Variants in METTL17 observed in about 807,000 individuals in gnomAD.
METTL17 encodes methyltransferase like 17, also known as ribosome assembly protein METTL17, mitochondrial.
In METTL17, 49 loss-of-function variants were observed where a neutral mutation model predicts 59.4. The observed-to-expected ratio is 0.82, with a 90% CI of 0.66 to 1.05. The LOEUF is 1.05. METTL17 is among the 50% of genes least tolerant of loss of function. The pLI is 0.00. For missense variants in METTL17, 555 were observed against 578.4 expected, an observed-to-expected ratio of 0.96 and a Z score of 0.41; for synonymous variants, 208 against 209.2, an observed-to-expected ratio of 0.99 and a Z score of 0.05.
At chr14:20,995,793 T>C in intron 10 of METTL17, 108 bp from the exon 11 acceptor site, 1 of 813,434 alleles carries the variant, frequency 1.2e-6, no homozygotes, top group Non-Finnish European at 2.1e-6. Context: ...AGTCAATCGT[T>C]ATTAGAATTG....
At chr14:20,994,643 T>C in intron 8 of METTL17, 30 bp downstream of exon 8, 2 of 1,597,720 alleles carry the variant, frequency 1.3e-6, no homozygotes, top group South Asian at 2.2e-5. Context: ...ATATTCTAAA[T>C]GTGGAATGTG....
Position 20,990,477 on chromosome 14 carries a change from C to A in METTL17, c.243C>A (p.Pro81=). The A allele has an allele frequency of 6.2e-7, 1 of 1,614,208 alleles. No homozygotes were observed. The highest frequency in any genetic ancestry group is 8.5e-7 in the Non-Finnish European group (1 of 1,180,040). ...AQLLLLGSAG[P]TMENQVQTLT... The stretch of plus-strand genomic sequence containing the variant: ...TTTGGCCCATAGGGAGCGCTGGGCC[C>A]ACTATGGAGAATCAGGTGCAAACAC... Residue 81 remains proline, a synonymous_variant, in exon 3 of 14, where the codon CCC becomes CCA. Coordinates refer to ENST00000339374, the MANE Select transcript of METTL17 (RefSeq NM_022734.3).
chr14:20,996,227 T>G lies in METTL17; in HGVS notation c.1015T>G (p.Cys339Gly), dbSNP rs1880364162. 6.2e-7 allele frequency: 1 copy of G among 1,614,086 alleles called. No homozygotes were observed. The highest frequency in any genetic ancestry group is 1.7e-5 in the Admixed American group (1 of 60,000). The change falls in exon 12 of 14, where the codon TGT (cysteine) becomes GGT (glycine). Residue 339 changes from cysteine to glycine, a missense_variant. Cys to Gly is a radical substitution (Grantham distance 159, BLOSUM62 -3). Transcript: ENST00000339374. ...VFAPCPHELP[C>G]PQLTNLACSF... ...TTCACAGTGTCCCCATGAACTCCCT[T>G]GTCCCCAGTTGACCAACCTGGCCTG...
chr14:20,995,137 T>G (rs752769503), intron 9 of METTL17, 28 bp from the exon 10 acceptor site: 1 of 1,603,838 alleles, frequency 6.2e-7, no homozygotes, highest in East Asian at 2.2e-5. Context: ...ATTCAAGTCT[T>G]CTGCATATTT....
At chr14:20,996,066 T>C in intron 11 of METTL17, 115 bp downstream of exon 11, 2 of 1,309,692 alleles carry the variant, frequency 1.5e-6, no homozygotes, top group South Asian at 2.4e-5. Flanking sequence ...ATCCAGTTCC[T>C]ACCTAATGAT....
intron 12 of METTL17, 82 bp from the exon 13 acceptor site, chr14:20,996,426 TACATTGTAAAAAAGGACTG>T: frequency 1.3e-6 from 2 of 1,495,844 alleles, no homozygotes; most frequent in Non-Finnish European, 1.8e-6. Context: ...ATATGATTTA[TACATTGTAAAAAAGGACTG>T]CAGGAATGGG....
intron 3 of METTL17, among the ~76,000 whole-genome samples, chr14:20,991,071 G>A (rs1159755320): frequency 1.3e-5 from 2 of 152,016 alleles, no homozygotes; most frequent in Admixed American, 1.3e-4. Flanking sequence ...CAGGTGATCC[G>A]CCCACCTTGG....
chr14:20,993,846 T>C, intron 6 of METTL17, 123 bp from the exon 7 acceptor site: 1 of 605,030 alleles, frequency 1.7e-6, no homozygotes, highest in Non-Finnish European at 3.0e-6. Flanking sequence ...TATTACTAAC[T>C]ATACAACTAC....
rs778494810 is a variant in METTL17, at chr14:20,995,176, G to A, written c.888G>A (p.Glu296=). 1 of 1,614,150 alleles carries A rather than the reference G, an allele frequency of 6.2e-7. No homozygotes were observed. The highest frequency in any genetic ancestry group is 8.5e-7 in the Non-Finnish European group (1 of 1,179,990). Residue 296 remains glutamate, a synonymous_variant, in exon 10 of 14, where the codon GAG becomes GAA. Coordinates refer to ENST00000339374, the MANE Select transcript of METTL17 (RefSeq NM_022734.3). ...CCTTTTGTGAACAGGTACTGGTGGA[G>A]AATGGAACAAAAGCTGGGCACAGCC... ...RKTGHFLVLV[E]NGTKAGHSLL... is the part of the protein sequence containing the mutation.
rs199931736 is a variant in METTL17 at position 20,990,010 on chromosome 14, C to T, written c.8C>T (p.Ala3Val). Reference protein sequence around the residue: MAAALKCLLTLGR... With the variant: MAVALKCLLTLGR... ...CGGTTCGCCTCCGGAGCCATGGCGG[C>T]GGCACTGAAGTGTCTACTGACATTA... is the stretch of plus-strand genomic sequence containing the variant. The change falls in exon 1 of 14, where the codon GCG becomes GTG. Residue 3 changes from alanine (A) to valine (V), a missense_variant. Ala to Val is a moderately conservative substitution (Grantham distance 64, BLOSUM62 0). Transcript: ENST00000339374. The T allele has an allele frequency of 1.0e-4, 161 of 1,590,062 alleles. No individual in the cohort carries two copies. The highest frequency in any genetic ancestry group is 4.3e-6 in the Non-Finnish European group (5 of 1,165,368).
At chr14:20,994,307 G>A (rs1481069528) in intron 7 of METTL17, among the ~76,000 whole-genome samples, 1 of 149,742 alleles carries the variant, frequency 6.7e-6, no homozygotes, top group East Asian at 1.9e-4. Flanking sequence ...TTTAATTAGA[G>A]GTAGGGTCTC....
Position 20,990,227 on chromosome 14 carries a change from C to T in METTL17, c.76-3C>T, listed in dbSNP as rs1223488669. On this transcript the variant is annotated splice_region_variant and splice_polypyrimidine_tract_variant and intron_variant, in intron 1 of 13. Coordinates refer to ENST00000339374, the MANE Select transcript of METTL17 (RefSeq NM_022734.3). ...AAATCAACCTACCTTTCTCTGCCTG[C>T]AGGCGCTCGCCGCCTTAGTACCCGG... 1 of 1,614,104 alleles carries T rather than the reference C, an allele frequency of 6.2e-7. No homozygotes were observed. The highest frequency in any genetic ancestry group is 8.5e-7 in the Non-Finnish European group (1 of 1,180,064).
chr14:20,992,500 G>A (rs771924316), intron 4 of METTL17, 41 bp from the exon 5 acceptor site: 1 of 1,462,772 alleles, frequency 6.8e-7, no homozygotes, highest in Non-Finnish European at 9.6e-7. Context: ...TGGGATTAAG[G>A]TTATTTACTA....
intron 6 of METTL17, chr14:20,993,567 T>C (rs1391023286): frequency 1.3e-5 from 3 of 233,814 alleles, no homozygotes; most frequent in Non-Finnish European, 1.7e-5. Flanking sequence ...CCTCCACTCC[T>C]GGGTTCAAGT....
In METTL17 at chr14:20,996,701, C is replaced by A; in HGVS notation, c.1255C>A (p.Arg419=). The part of the protein sequence containing the change: ...HMQHAVLTAR[R]HGRDLYRCAR... ...GCAGCATGCTGTGCTCACAGCCCGC[C>A]GGCACGGCAGGTATGGGGGGTGTGA... Residue 419 remains arginine, a synonymous_variant, in exon 13 of 14, where the codon CGG becomes AGG. Coordinates refer to ENST00000339374, the MANE Select transcript of METTL17 (RefSeq NM_022734.3). 1 of 1,614,218 alleles carries A rather than the reference C, an allele frequency of 6.2e-7. No individual in the cohort carries two copies. The highest frequency in any genetic ancestry group is 2.2e-5 in the East Asian group (1 of 44,876).
rs779630076 is a variant in METTL17, at chr14:20,992,167, C to T, written c.408C>T (p.His136=). ...AGAAACTTCGTGGAGCAGTGCTACACGCACTACGTAAAACTACCTACCATT... is the reference window on the plus strand; with the variant it reads ...AGAAACTTCGTGGAGCAGTGCTACATGCACTACGTAAAACTACCTACCATT... ...TEEKLRGAVL[H]ALRKTTYHWQ... The change falls in exon 4 of 14, where the codon CAC becomes CAT. Residue 136 remains histidine, a synonymous_variant. Transcript: ENST00000339374. The T allele has an allele frequency of 2.0e-5, 33 of 1,611,918 alleles. No homozygotes were observed. Among genetic ancestry groups the T allele is most frequent in the Middle Eastern group, 1.7e-4 (1 of 6,056 alleles).
intron 5 of METTL17, 25 bp from the exon 6 acceptor site, chr14:20,993,093 T>C (rs778507589): frequency 1.9e-6 from 3 of 1,605,910 alleles, no homozygotes; most frequent in Middle Eastern, 1.7e-4. Context: ...ATTACCCTAC[T>C]GTGGGATGTT....
Position 20,996,969 on chromosome 14 carries a change from G to A in METTL17, c.*79G>A, listed in dbSNP as rs1428030954. ...CCTGGTATCCAGGAGGGGAATGCTG[G>A]TATCCCCATATGTCTGTGTTTGTTT... On this transcript the variant is annotated 3_prime_UTR_variant, in exon 14 of 14. Coordinates refer to ENST00000339374, the MANE Select transcript of METTL17 (RefSeq NM_022734.3). 2 of 1,419,462 alleles carry A rather than the reference G, an allele frequency of 1.4e-6. No individual in the cohort carries two copies. The highest frequency in any genetic ancestry group is 1.9e-5 in the Admixed American group (1 of 53,524). The allele number at this position is 1,419,462 out of a possible 1,614,324, so 87.9% of individuals were successfully genotyped here. A position where few individuals can be genotyped will look rare whatever the true frequency, so the allele number is the denominator to read the frequency against.
chr14:20,994,483 T>C, intron 7 of METTL17, 60 bp from the exon 8 acceptor site: 4 of 1,365,906 alleles, frequency 2.9e-6, no homozygotes, highest in Non-Finnish European at 4.2e-6. Flanking sequence ...TATCTGGATA[T>C]CTCTTCAGTT....
Sources: gnomAD v4.1 joint callset for allele counts (sites outside exome capture counted in the v4.1 genomes callset) on GRCh38, gnomAD v4.1.1 for gene constraint, MANE v1.5 for transcripts, NCBI Gene and HGNC (gene_info 2026-07-23, HGNC 2026-07-21) for gene names.